The following CABP1 variants were observed in gnomAD, a reference collection of about 807,000 sequenced individuals.
CABP1 encodes calcium-binding protein 1.
A neutral mutation model predicts 34.3 loss-of-function variants in CABP1; 17 were observed. That is an observed-to-expected ratio of 0.50 (90% CI 0.34 to 0.74). The LOEUF is 0.74. CABP1 is among the 30% of genes least tolerant of loss of function. The pLI is 0.01. For missense variants in CABP1, 373 were observed against 511.1 expected (o/e 0.73, Z 2.61); for synonymous variants, 198 against 229.2 (o/e 0.86, Z 1.23).
intron 5 of CABP1, among the ~76,000 whole-genome samples, chr12:120,664,704 T>G (rs1434912168): frequency 1.3e-5 from 2 of 151,850 alleles, no homozygotes; most frequent in Non-Finnish European, 2.9e-5. Flanking sequence ...TGAAACCCTG[T>G]CTCTATTAAA....
chr12:120,669,915 TTG>T (rs1338654917), downstream of CABP1, among the ~76,000 whole-genome samples: 1 of 152,084 alleles, frequency 6.6e-6, no homozygotes, highest in African/African-American at 2.4e-5. Flanking sequence ...CCCCAGTAAT[TTG>T]TCTTTTTGTT....
At position 120,661,516 on chromosome 12, in the gene CABP1, C is replaced by A. The variant is rs1880633071; in HGVS notation, c.1087+298C>A. 6.2e-6 allele frequency: 2 copies of A among 323,846 alleles called. No homozygotes were observed. Among genetic ancestry groups the A allele is most frequent in the Admixed American group, 4.7e-5 (1 of 21,476 alleles). 20.1% of individuals were successfully genotyped at this position (323,846 alleles called of 1,614,324 possible). The stretch of plus-strand genomic sequence containing the variant: ...TCTGTCCACCATCCATCCATCCATC[C>A]ATTTATCTACCCATCTATCCATCCA... On this transcript the variant is annotated intron_variant, in intron 5 of 5. Coordinates refer to ENST00000316803, the MANE Select transcript of CABP1 (RefSeq NM_001033677.2). The surrounding 1 kb of genome is among the most constrained non-coding windows in gnomAD (Gnocchi z 5.1).
intron 1 of CABP1, chr12:120,650,299 C>G: frequency 2.7e-6 from 1 of 366,482 alleles, no homozygotes. Flanking sequence ...GCAGCCTTCT[C>G]CAGCTTGGTT....
Position 120,661,458 on chromosome 12 carries a change from A to C in CABP1, c.1087+240A>C. On this transcript the variant is annotated intron_variant, in intron 5 of 5. Coordinates refer to ENST00000316803, the MANE Select transcript of CABP1 (RefSeq NM_001033677.2). The surrounding 1 kb of genome is among the most constrained non-coding windows in gnomAD (Gnocchi z 5.1). ...CCTCTACCTTTCCATTCATCTGTCCATTTATCCATCCATTCATCTACCTAT... is the reference window on the plus strand; with the variant it reads ...CCTCTACCTTTCCATTCATCTGTCCCTTTATCCATCCATTCATCTACCTAT... 6.2e-6 allele frequency: 3 copies of C among 480,036 alleles called. No homozygotes were observed. The highest frequency in any genetic ancestry group is 5.7e-4 in the Middle Eastern group (1 of 1,748). The allele number at this position is 480,036 out of a possible 1,614,324, so 29.7% of individuals were successfully genotyped here.
intron 1 of CABP1, among the ~76,000 whole-genome samples, chr12:120,658,555 C>T (rs1880406077): frequency 6.6e-6 from 1 of 152,220 alleles, no homozygotes; most frequent in African/African-American, 2.4e-5. Flanking sequence ...ACAGAGCTAC[C>T]TCTGAGCTCT....
chr12:120,651,685 A>G lies in CABP1; in HGVS notation c.655-8193A>G, dbSNP rs185555802. 4.0e-3 allele frequency among the ~76,000 whole-genome samples: 603 copies of G among 152,288 alleles called. 5 individuals are homozygous for G. Among genetic ancestry groups the G allele is most frequent in the Non-Finnish European group, 3.1e-3 (212 of 68,014 alleles). On this transcript the variant is annotated intron_variant, in intron 1 of 5. Transcript: ENST00000316803. ...AACCCCATCCTATCTTGGTCAGTTT[A>G]CCAGCCTCTCAATTTAGGACACTTT...
At chr12:120,647,108 T>C (rs1490928267) in intron 1 of CABP1, among the ~76,000 whole-genome samples, 1 of 152,220 alleles carries the variant, frequency 6.6e-6, no homozygotes, top group Non-Finnish European at 1.5e-5. Flanking sequence ...CGGACTGGCC[T>C]GCAGGGGGCA....
chr12:120,679,553 C>T, the CABP1 span, among the ~76,000 whole-genome samples: 3 of 152,262 alleles, frequency 2.0e-5, no homozygotes, highest in Non-Finnish European at 2.9e-5. Flanking sequence ...TTGGGCTGGG[C>T]GCAGTGGCTC....
chr12:120,646,465 C>T (rs1879543608), intron 1 of CABP1, among the ~76,000 whole-genome samples: 1 of 152,116 alleles, frequency 6.6e-6, no homozygotes, highest in Non-Finnish European at 1.5e-5. Context: ...TGAGGGCATA[C>T]AACATGCTTC....
downstream of CABP1, among the ~76,000 whole-genome samples, chr12:120,669,994 T>TA (rs1304230508): frequency 8.0e-6 from 1 of 124,932 alleles, no homozygotes; most frequent in Non-Finnish European, 1.5e-5. Flanking sequence ...CCAGGAAACG[T>TA]TTTTTTTTCT....
downstream of CABP1, among the ~76,000 whole-genome samples, chr12:120,672,023 A>G (rs1188257036): frequency 1.3e-5 from 2 of 151,984 alleles, no homozygotes; most frequent in Non-Finnish European, 2.9e-5. Flanking sequence ...AGCTATGATC[A>G]CGCCATTGTA....
the CABP1 span, among the ~76,000 whole-genome samples, chr12:120,677,413 T>TTC: frequency 9.0e-6 from 1 of 110,546 alleles, no homozygotes; most frequent in Non-Finnish European, 1.9e-5. Flanking sequence ...TTTTTTTTTT[T>TTC]TGAGACAGAG....
Position 120,661,659 on chromosome 12 carries a change from AT to A in CABP1, c.1087+443del, listed in dbSNP as rs1161983733. 2 of 161,686 alleles carry A rather than the reference AT, an allele frequency of 1.2e-5. No homozygotes were observed. Among genetic ancestry groups the A allele is most frequent in the African/African-American group, 4.9e-5 (2 of 40,904 alleles). The allele number at this position is 161,686 out of a possible 1,614,324, so 10.0% of individuals were successfully genotyped here. A position where few individuals can be genotyped will look rare whatever the true frequency, so the allele number is the denominator to read the frequency against. On this transcript the variant is annotated intron_variant, in intron 5 of 5. Coordinates refer to ENST00000316803, the MANE Select transcript of CABP1 (RefSeq NM_001033677.2). This position sits in a 1 kb window ranked among gnomAD's most constrained non-coding sequence, Gnocchi z 5.1. ...TATCCATCCATCCATCCGTCCATCC[AT>A]TCGTCTACATATCTATCCATCCATC...
At chr12:120,677,388 T>G in the CABP1 span, among the ~76,000 whole-genome samples, 3 of 140,764 alleles carry the variant, frequency 2.1e-5, no homozygotes, top group African/African-American at 8.0e-5. Context: ...ATGCCCAGCC[T>G]TCTTTTTTTT....
In CABP1 at chr12:120,641,161, C is replaced by T; in HGVS notation, c.476C>T (p.Ser159Leu). The T allele has an allele frequency of 1.6e-6, 2 of 1,237,426 alleles. No homozygotes were observed. The highest frequency in any genetic ancestry group is 3.8e-5 in the South Asian group (1 of 26,578). The allele number at this position is 1,237,426 out of a possible 1,614,324, so 76.7% of individuals were successfully genotyped here. Reference protein sequence around the residue: ...LPAAASRPSPSSPLPPARGRD... With the variant: ...LPAAASRPSPLSPLPPARGRD... ...GCCGCGGCGTCCCGACCTTCGCCGT[C>T]GTCGCCGCTGCCGCCGGCCCGCGGG... The change falls in exon 1 of 6, where the codon TCG becomes TTG. Residue 159 changes from serine (S) to leucine (L), a missense_variant. This residue lies in a region of CABP1 where 121 missense variants were observed against 125.5 expected (regional missense o/e 0.96). Transcript: ENST00000316803. This position sits in a 1 kb window ranked among gnomAD's most constrained non-coding sequence, Gnocchi z 6.7.
chr12:120,655,959 C>A, intron 1 of CABP1: 1 of 1,544,584 alleles, frequency 6.5e-7, no homozygotes, highest in East Asian at 2.4e-5. Flanking sequence ...TGTGCACGCT[C>A]AGGGCTCTCT....
At chr12:120,647,645 G>A (rs1339253716) in intron 1 of CABP1, among the ~76,000 whole-genome samples, 1 of 138,456 alleles carries the variant, frequency 7.2e-6, no homozygotes, top group African/African-American at 2.8e-5. Context: ...TCGACTCACT[G>A]CAATCTCCGC....
the CABP1 span, among the ~76,000 whole-genome samples, chr12:120,672,767 C>T: frequency 5.4e-5 from 8 of 149,350 alleles, no homozygotes; most frequent in African/African-American, 9.8e-5. Flanking sequence ...CAGTGGCTCA[C>T]GTCTGTCATC....
chr12:120,652,677 G>A (rs1879921316), intron 1 of CABP1, among the ~76,000 whole-genome samples: 2 of 152,174 alleles, frequency 1.3e-5, no homozygotes, highest in Admixed American at 1.3e-4. Flanking sequence ...TTCCCGCTCA[G>A]CGCATCAGTC....
Sources: gnomAD v4.1 joint callset for allele counts (sites outside exome capture counted in the v4.1 genomes callset) on GRCh38, gnomAD v4.1.1 for gene constraint, gnomAD v4.1.1 regional missense constraint, Gnocchi (gnomAD v3.1) non-coding constraint, MANE v1.5 for transcripts, NCBI Gene and HGNC (gene_info 2026-07-23, HGNC 2026-07-21) for gene names.